Variants in KLF12 observed in about 807,000 individuals in gnomAD.
KLF12 encodes KLF transcription factor 12.
In KLF12, 9 loss-of-function variants were observed where a neutral mutation model predicts 37.8. That is an observed-to-expected ratio of 0.24 (90% CI 0.14 to 0.42). The LOEUF is 0.42. Among genes scored for constraint, KLF12 ranks in the 10% least tolerant of loss-of-function variants. The pLI is 1.00. For missense variants in KLF12, 411 were observed against 516.0 expected, an observed-to-expected ratio of 0.80 and a Z score of 1.97; for synonymous variants, 208 against 202.1, an observed-to-expected ratio of 1.03 and a Z score of -0.25.
intron 2 of KLF12, among the ~76,000 whole-genome samples, chr13:73,968,324 T>A (rs1891229811): frequency 6.6e-6 from 1 of 152,250 alleles, no homozygotes; most frequent in African/African-American, 2.4e-5. Flanking sequence ...AAATACCTTA[T>A]GACATCTATT....
chr13:74,072,364 A>AATATATATATATATATATATATATAT (rs773653636), intron 1 of KLF12, among the ~76,000 whole-genome samples: 3 of 63,064 alleles, frequency 4.8e-5, no homozygotes, highest in Non-Finnish European at 9.6e-5. Flanking sequence ...AAGAAATACA[A>AATATATATATATATATATATATATAT]ATATATATAT....
chr13:73,826,059 G>A (rs1381048104), intron 4 of KLF12, among the ~76,000 whole-genome samples: 5 of 151,654 alleles, frequency 3.3e-5, no homozygotes, highest in South Asian at 2.1e-4. Flanking sequence ...TGCAAGCTCC[G>A]CCTCCTGGGT....
the KLF12 span, among the ~76,000 whole-genome samples, chr13:74,180,541 T>C: frequency 6.6e-6 from 1 of 152,222 alleles, no homozygotes; most frequent in African/African-American, 2.4e-5. Context: ...TTCACAATCA[T>C]GGCATATGTA....
chr13:74,120,320 A>G (rs1877553465), intron 1 of KLF12, among the ~76,000 whole-genome samples: 1 of 152,170 alleles, frequency 6.6e-6, no homozygotes, highest in South Asian at 2.1e-4. Flanking sequence ...TGTCTCTACT[A>G]AAAATACAAA....
the KLF12 span, among the ~76,000 whole-genome samples, chr13:74,210,747 G>T: frequency 2.0e-5 from 3 of 152,026 alleles, no homozygotes; most frequent in African/African-American, 7.2e-5. Flanking sequence ...ATGGTACCTG[G>T]TGAGCCAGCT....
the KLF12 span, among the ~76,000 whole-genome samples, chr13:74,167,994 C>T: frequency 3.3e-5 from 5 of 152,200 alleles, no homozygotes; most frequent in South Asian, 2.1e-4. Flanking sequence ...CCAACTGGTA[C>T]ATTTTTACAA....
At chr13:73,863,372 T>C (rs1267370881) in intron 3 of KLF12, among the ~76,000 whole-genome samples, 1 of 152,166 alleles carries the variant, frequency 6.6e-6, no homozygotes, top group Non-Finnish European at 1.5e-5. Context: ...GTGTACTGGT[T>C]CTGCTCTTGT....
Position 73,690,558 on chromosome 13 carries a change from A to C in KLF12, c.*4932T>G, listed in dbSNP as rs1484805596. 6.6e-6 allele frequency: 1 copy of C among 152,150 alleles called. No homozygotes were observed. The highest frequency in any genetic ancestry group is 1.5e-5 in the Non-Finnish European group (1 of 68,020). 9.4% of individuals were successfully genotyped at this position (152,150 alleles called of 1,614,324 possible). On this transcript the variant is annotated 3_prime_UTR_variant, in exon 8 of 8. Transcript: ENST00000377669. ...AATCAGTTGTCTGCAACTTAAAATGACTTCATTATATTTTAAACCATCCTG... is the reference window on the plus strand; with the variant it reads ...AATCAGTTGTCTGCAACTTAAAATGCCTTCATTATATTTTAAACCATCCTG...
chr13:74,139,474 T>C, the KLF12 span, among the ~76,000 whole-genome samples: 1 of 152,236 alleles, frequency 6.6e-6, no homozygotes, highest in Non-Finnish European at 1.5e-5. Flanking sequence ...GGTGCACATA[T>C]TGAAAATAAC....
the KLF12 span, among the ~76,000 whole-genome samples, chr13:74,191,721 C>A: frequency 1.6e-4 from 25 of 152,296 alleles, no homozygotes; most frequent in East Asian, 4.6e-3. Flanking sequence ...TGAGTCATTC[C>A]TTAGCACCCT....
chr13:74,029,125 G>T (rs1271713498), intron 1 of KLF12, among the ~76,000 whole-genome samples: 1 of 151,988 alleles, frequency 6.6e-6, no homozygotes, highest in Non-Finnish European at 1.5e-5. Context: ...TTACATGGAG[G>T]ATATCTAATC....
chr13:74,075,892 G>GT (rs1426964501), intron 1 of KLF12, among the ~76,000 whole-genome samples: 1 of 152,148 alleles, frequency 6.6e-6, no homozygotes, highest in Non-Finnish European at 1.5e-5. Flanking sequence ...TAATTACAGT[G>GT]TAATTAAAGG....
chr13:74,138,757 CT>C (rs1034828890), upstream of KLF12, among the ~76,000 whole-genome samples: 3 of 152,180 alleles, frequency 2.0e-5, no homozygotes, highest in Admixed American at 1.3e-4. Context: ...ATCTAGCCCC[CT>C]TTCCCTCACA....
intron 3 of KLF12, among the ~76,000 whole-genome samples, chr13:73,849,312 G>C (rs990883926): frequency 2.0e-4 from 30 of 150,196 alleles, no homozygotes; most frequent in African/African-American, 6.9e-4. Flanking sequence ...CCAGGAGGTG[G>C]AGGCTGCAGT....
At chr13:74,087,160 T>C (rs1875356803) in intron 1 of KLF12, among the ~76,000 whole-genome samples, 1 of 152,074 alleles carries the variant, frequency 6.6e-6, no homozygotes, top group Admixed American at 6.6e-5. Context: ...TGATTTGGGG[T>C]TAATTCTGAC....
chr13:73,909,269 C>T lies in KLF12; in HGVS notation c.123+34712G>A, dbSNP rs117984973. ...ACTACCAGTGGCCGAGCATAAAGCA[C>T]TTGTCAGAAAGAGGACCTCATTTTT... On this transcript the variant is annotated intron_variant, in intron 3 of 7. Transcript: ENST00000377669. 6.1e-3 allele frequency among the ~76,000 whole-genome samples: 925 copies of T among 152,292 alleles called. 6 individuals are homozygous for T. The highest frequency in any genetic ancestry group is 6.3e-3 in the Non-Finnish European group (430 of 68,022).
chr13:74,281,788 G>T, the KLF12 span, among the ~76,000 whole-genome samples: 1 of 152,060 alleles, frequency 6.6e-6, no homozygotes, highest in African/African-American at 2.4e-5. Context: ...TATTTTTCTT[G>T]CACAATAATT....
chr13:74,172,325 C>A, the KLF12 span, among the ~76,000 whole-genome samples: 14 of 151,910 alleles, frequency 9.2e-5, no homozygotes, highest in East Asian at 1.5e-3. Flanking sequence ...CAAAAAAACC[C>A]TTTATTGGGA....
chr13:73,805,838 T>C (rs1046936594), intron 5 of KLF12, among the ~76,000 whole-genome samples: 1 of 152,150 alleles, frequency 6.6e-6, no homozygotes, highest in Non-Finnish European at 1.5e-5. Context: ...GGAGTCTTGC[T>C]CTGTCGCTCA....
Sources: gnomAD v4.1 joint callset for allele counts (sites outside exome capture counted in the v4.1 genomes callset) on GRCh38, gnomAD v4.1.1 for gene constraint, MANE v1.5 for transcripts, NCBI Gene and HGNC (gene_info 2026-07-23, HGNC 2026-07-21) for gene names.